The following C2orf42 variants were observed in gnomAD, a reference collection of about 807,000 sequenced individuals.
The protein encoded by C2orf42 is uncharacterized protein C2orf42.
A neutral mutation model predicts 58.9 loss-of-function variants in C2orf42; 44 were observed. The observed-to-expected ratio is 0.75, with a 90% CI of 0.59 to 0.96. The LOEUF (loss-of-function observed/expected upper bound fraction) is 0.96, where lower values mean the gene tolerates loss of function less well. Ranked by LOEUF, C2orf42 falls within the 40% of genes least tolerant of loss-of-function variation. The pLI is 0.00. For synonymous variants in C2orf42, 239 were observed against 265.4 expected (o/e 0.90, Z 0.97); for missense variants, 630 against 699.2 (o/e 0.90, Z 1.12).
rs752641740 is a variant in C2orf42, at chr2:70,181,741, C to G, written c.245G>C (p.Arg82Pro). 2 of 1,613,998 alleles carry G rather than the reference C, an allele frequency of 1.2e-6. No homozygotes were observed. The highest frequency in any genetic ancestry group is 1.1e-5 in the South Asian group (1 of 91,078). ...CACAAAGCATCGGTAATCAGGGCCC[C>G]GGTCTCTTTGCCGCACTGAGTAGAC... ...LQVYSVRQRD[R>P]GPDYRCFVEL... The change falls in exon 3 of 10, where the codon CGG becomes CCG. Residue 82 changes from arginine (R) to proline (P), a missense_variant. Transcript: ENST00000264434.
chr2:70,169,530 G>A (rs780326741), intron 6 of C2orf42, 27 bp downstream of exon 6: 1 of 1,150,680 alleles, frequency 8.7e-7, no homozygotes, highest in Admixed American at 1.7e-5. Flanking sequence ...CTTTCAGCAA[G>A]AGCCCAGTTA....
intron 5 of C2orf42, among the ~76,000 whole-genome samples, chr2:70,172,796 G>C (rs1446119554): frequency 6.6e-6 from 1 of 152,114 alleles, no homozygotes; most frequent in African/African-American, 2.4e-5. Flanking sequence ...ATTATCAGAG[G>C]TAAAGGCATA....
chr2:70,155,993 TA>T (rs1672650109), intron 9 of C2orf42, among the ~76,000 whole-genome samples: 1 of 151,058 alleles, frequency 6.6e-6, no homozygotes, highest in Admixed American at 6.6e-5. Flanking sequence ...CCATCTCTAC[TA>T]AAAATACAAA....
intron 9 of C2orf42, among the ~76,000 whole-genome samples, chr2:70,154,225 C>T (rs1672501594): frequency 6.6e-6 from 1 of 151,112 alleles, no homozygotes; most frequent in Non-Finnish European, 1.5e-5. Flanking sequence ...GGAAGACGAA[C>T]AAGAAAAGGC....
At chr2:70,161,494 T>G (rs1174435580) in intron 8 of C2orf42, among the ~76,000 whole-genome samples, 1 of 152,084 alleles carries the variant, frequency 6.6e-6, no homozygotes, top group African/African-American at 2.4e-5. Context: ...TCCTCAAGTG[T>G]TTTTAATGCC....
At chr2:70,178,044 AAAACAAAC>A (rs918925609) in intron 4 of C2orf42, among the ~76,000 whole-genome samples, 9 of 152,140 alleles carry the variant, frequency 5.9e-5, no homozygotes, top group Non-Finnish European at 7.4e-5. Context: ...CATCTCTTAA[AAAACAAAC>A]AAACAAACAA....
chr2:70,179,490 C>A, intron 4 of C2orf42, 42 bp downstream of exon 4: 1 of 716,418 alleles, frequency 1.4e-6, no homozygotes, highest in African/African-American at 1.8e-5. Context: ...GTAAAACAAT[C>A]TCTAAAGACA....
Position 70,165,575 on chromosome 2 carries a change from C to T in C2orf42, c.1205G>A (p.Arg402Lys). The change falls in exon 7 of 10, where the codon AGA (arginine) becomes AAA (lysine). Residue 402 changes from arginine to lysine, a missense_variant. By Grantham distance (26) the Arg-to-Lys change is conservative. Transcript: ENST00000264434. ...TTTTTTTGCACTTCCTATAGATATT[C>T]TTTGTTGCAGGGCATCAAAAAATGA... ...PQSFFDALQQ[R>K]ISIGSAKKRL... 6.3e-7 allele frequency: 1 copy of T among 1,596,334 alleles called. No individual in the cohort carries two copies. The highest frequency in any genetic ancestry group is 8.6e-7 in the Non-Finnish European group (1 of 1,168,744).
chr2:70,164,990 C>G, intron 8 of C2orf42, 102 bp downstream of exon 8: 1 of 538,146 alleles, frequency 1.9e-6, no homozygotes, highest in Non-Finnish European at 3.3e-6. Flanking sequence ...AAAAGAAACT[C>G]TGGTGTCTGT....
chr2:70,186,042 G>C (rs897064878), intron 1 of C2orf42, among the ~76,000 whole-genome samples: 1 of 149,298 alleles, frequency 6.7e-6, no homozygotes, highest in Non-Finnish European at 1.5e-5. Context: ...AATGTCCTCT[G>C]GAGGCAAAAC....
intron 8 of C2orf42, among the ~76,000 whole-genome samples, chr2:70,163,025 GC>G (rs1673160904): frequency 6.6e-6 from 1 of 151,518 alleles, no homozygotes; most frequent in East Asian, 2.0e-4. Context: ...CTGCCACCAT[GC>G]CTGGATAATT....
chr2:70,184,627 C>T (rs760522862), intron 1 of C2orf42, among the ~76,000 whole-genome samples: 32 of 151,270 alleles, frequency 2.1e-4, no homozygotes, highest in African/African-American at 1.2e-4. Flanking sequence ...ACCACAGGTA[C>T]GTGCCACTAC....
intron 1 of C2orf42, among the ~76,000 whole-genome samples, chr2:70,185,136 C>T (rs1262252001): frequency 1.3e-5 from 2 of 151,944 alleles, no homozygotes; most frequent in South Asian, 2.1e-4. Context: ...CGCAGTGGCT[C>T]GTGCCTGTAA....
At chr2:70,169,247 C>CCACACACACA (rs35414580) in intron 6 of C2orf42, among the ~76,000 whole-genome samples, 125 of 141,126 alleles carry the variant, frequency 8.9e-4, no homozygotes, top group African/African-American at 3.1e-3. Context: ...ATCTCCCTCA[C>CCACACACACA]CACACACACA....
chr2:70,152,668 C>T (rs1672380875), intron 9 of C2orf42, among the ~76,000 whole-genome samples: 2 of 152,190 alleles, frequency 1.3e-5, no homozygotes, highest in Non-Finnish European at 2.9e-5. Context: ...ATCTCACACA[C>T]ACCCCTCCCC....
intron 8 of C2orf42, among the ~76,000 whole-genome samples, chr2:70,161,616 G>A (rs536299859): frequency 5.9e-5 from 9 of 152,128 alleles, no homozygotes; most frequent in South Asian, 2.1e-4. Flanking sequence ...TGAGGTAGGC[G>A]GATCACCTGA....
At chr2:70,154,513 TA>T (rs1352273741) in intron 9 of C2orf42, among the ~76,000 whole-genome samples, 2 of 147,768 alleles carry the variant, frequency 1.4e-5, no homozygotes, top group African/African-American at 5.0e-5. Context: ...AGCATGCATC[TA>T]GACAGATTAA....
At chr2:70,158,423 A>ATTAT (rs544757170) in intron 9 of C2orf42, among the ~76,000 whole-genome samples, 3,011 of 151,582 alleles carry the variant, frequency 0.02, 97 homozygotes, top group African/African-American at 0.068. Context: ...TATTCCTTTT[A>ATTAT]TTATTTATTT....
chr2:70,158,926 G>A (rs1358658996), intron 9 of C2orf42, among the ~76,000 whole-genome samples: 6 of 115,688 alleles, frequency 5.2e-5, no homozygotes, highest in Non-Finnish European at 7.0e-5. Context: ...TTTTTGAGAC[G>A]GAGTCTTGCT....
Sources: allele counts gnomAD v4.1 joint callset (sites outside exome capture counted in the v4.1 genomes callset), GRCh38; gene constraint gnomAD v4.1.1; transcripts MANE v1.5; gene names NCBI Gene and HGNC (gene_info 2026-07-23, HGNC 2026-07-21).